The following SYNGR1 variants were observed in gnomAD, a reference collection of about 807,000 sequenced individuals.
SYNGR1 encodes the protein synaptogyrin 1, also known as synaptogyrin-1.
In SYNGR1, 14 loss-of-function variants were observed where a neutral mutation model predicts 26.1. The ratio of observed to expected loss-of-function variants is 0.54; its 90% CI spans 0.35 to 0.84. The LOEUF (loss-of-function observed/expected upper bound fraction) is 0.84, where lower values mean the gene tolerates loss of function less well. Ranked by LOEUF, SYNGR1 falls within the 40% of genes least tolerant of loss-of-function variation. SYNGR1 has a pLI of 0.01. For synonymous variants in SYNGR1, 141 were observed against 150.1 expected, an observed-to-expected ratio of 0.94 and a Z score of 0.44; for missense variants, 319 against 332.9, an observed-to-expected ratio of 0.96 and a Z score of 0.33.
At chr22:39,367,289 G>T (rs1924805785) in intron 1 of SYNGR1, among the ~76,000 whole-genome samples, 1 of 152,222 alleles carries the variant, frequency 6.6e-6, no homozygotes, top group Non-Finnish European at 1.5e-5. Context: ...AGGCCTCCCA[G>T]GCCCCAGGGC....
At chr22:39,375,857 C>T (rs1925255073) in intron 2 of SYNGR1, 195 bp from the exon 3 acceptor site, 1 of 746,866 alleles carries the variant, frequency 1.3e-6, no homozygotes, top group East Asian at 2.6e-5. Flanking sequence ...GCTGGCTTCC[C>T]TCTTCTCGCC....
chr22:39,355,525 T>A (rs1213947433), intron 1 of SYNGR1, among the ~76,000 whole-genome samples: 1 of 152,232 alleles, frequency 6.6e-6, no homozygotes, highest in Non-Finnish European at 1.5e-5. Context: ...GTGATAGATT[T>A]CTGCTGTGTT....
intron 2 of SYNGR1, 43 bp downstream of exon 2, chr22:39,374,596 A>T: frequency 6.3e-7 from 1 of 1,594,596 alleles, no homozygotes; most frequent in Non-Finnish European, 8.6e-7. Context: ...GAGTCTACAG[A>T]GGGCTGTCCC....
At chr22:39,357,261 T>C (rs760741) in intron 1 of SYNGR1, among the ~76,000 whole-genome samples, 27,257 of 151,356 alleles carry the variant, frequency 0.18, 5,100 homozygotes, top group African/African-American at 0.48. Context: ...CAAGACTCTG[T>C]TTCAAAAAAA....
At chr22:39,354,045 G>T (rs939998311) in intron 1 of SYNGR1, among the ~76,000 whole-genome samples, 1 of 151,906 alleles carries the variant, frequency 6.6e-6, no homozygotes, top group Non-Finnish European at 1.5e-5. Flanking sequence ...TAAATTTTTA[G>T]TAGAGACGGG....
rs377385134 is a variant in SYNGR1 at position 39,357,760 on chromosome 22, G to A, written c.99+7651G>A. Reference sequence around the variant, plus strand: ...GCGCCCGGGCCAGCGGCTGCGGAGGGTGTACTGGGTCCCTCAGCAGTGCAA... The same window carrying A: ...GCGCCCGGGCCAGCGGCTGCGGAGGATGTACTGGGTCCCTCAGCAGTGCAA... On this transcript the variant is annotated intron_variant, in intron 1 of 3. Transcript: ENST00000328933. Among the ~76,000 whole-genome samples the A allele has an allele frequency of 5.1e-4, 78 of 152,196 alleles. 1 individual carries two copies. The East Asian group carries it at 9.7e-3, about 19-fold the overall frequency.
chr22:39,374,839 C>T (rs1157524581), intron 2 of SYNGR1: 2 of 503,616 alleles, frequency 4.0e-6, no homozygotes, highest in East Asian at 3.6e-5. Flanking sequence ...ATGTGCCAGC[C>T]CCCATGGGTT....
In SYNGR1 at chr22:39,365,988, CTTTTTTTTTTT is replaced by C. The variant is rs777416803; in HGVS notation, c.100-8311_100-8301del. 2.5e-4 allele frequency among the ~76,000 whole-genome samples: 17 copies of C among 68,384 alleles called. 1 individual carries two copies. The highest frequency in any genetic ancestry group is 2.0e-3 in the East Asian group (2 of 1,016). 44.9% of individuals were successfully genotyped at this position (68,384 alleles called of 152,430 possible). A position where few individuals can be genotyped will look rare whatever the true frequency, so the allele number is the denominator to read the frequency against. On this transcript the variant is annotated intron_variant, in intron 1 of 3. Transcript: ENST00000328933. ...CGTGAGCCACCGCGCTCAGCCCCTT[CTTTTTTTTTTT>C]TTTTTTTTTTTTTTTTGAGACAGGG... is the stretch of plus-strand genomic sequence containing the variant.
chr22:39,360,850 G>A (rs186946101), intron 1 of SYNGR1, among the ~76,000 whole-genome samples: 163 of 152,328 alleles, frequency 1.1e-3, no homozygotes, highest in Middle Eastern at 3.4e-3. Context: ...ATGCTGAAAG[G>A]CCTGGCAGAG....
intron 3 of SYNGR1, chr22:39,379,501 G>C (rs1925424684): frequency 6.6e-6 from 1 of 152,208 alleles, no homozygotes; most frequent in Non-Finnish European, 1.5e-5. Context: ...TGGTGTGGTG[G>C]CGGGTACCTG....
rs764182738 is a variant in SYNGR1, at chr22:39,382,215, C to G, written c.*301C>G. ...GCGCCTACTGGGCATCCGGCCTGTG[C>G]TGGGCATGGGTGGTGACATTGGCAG... On this transcript the variant is annotated 3_prime_UTR_variant, in exon 4 of 4. Coordinates refer to ENST00000328933, the MANE Select transcript of SYNGR1 (RefSeq NM_004711.5). 3.9e-6 allele frequency: 2 copies of G among 514,330 alleles called. No individual in the cohort carries two copies. Among genetic ancestry groups the G allele is most frequent in the Non-Finnish European group, 7.1e-6 (2 of 282,198 alleles). The allele number at this position is 514,330 out of a possible 1,614,324, so 31.9% of individuals were successfully genotyped here. A position where few individuals can be genotyped will look rare whatever the true frequency, so the allele number is the denominator to read the frequency against.
At chr22:39,378,452 T>A in intron 3 of SYNGR1, 5 of 985,004 alleles carry the variant, frequency 5.1e-6, no homozygotes, top group Non-Finnish European at 4.8e-6. Context: ...TAAGAGTAAT[T>A]CTCATGTGAT....
intron 1 of SYNGR1, among the ~76,000 whole-genome samples, chr22:39,358,555 G>A (rs549613903): frequency 4.6e-5 from 7 of 151,528 alleles, no homozygotes; most frequent in South Asian, 2.1e-4. Context: ...CGGGAGGAAC[G>A]AACAACTCCA....
chr22:39,367,116 C>G (rs1030666465), intron 1 of SYNGR1, among the ~76,000 whole-genome samples: 1 of 152,244 alleles, frequency 6.6e-6, no homozygotes, highest in Admixed American at 6.5e-5. Flanking sequence ...TCCGCCTCCT[C>G]TTGCCCTGCT....
chr22:39,381,160 G>A (rs1463211540), intron 3 of SYNGR1, among the ~76,000 whole-genome samples: 2 of 152,132 alleles, frequency 1.3e-5, no homozygotes, highest in African/African-American at 4.8e-5. Flanking sequence ...GGTCTTTGTG[G>A]TCCCTTTTGG....
Position 39,385,282 on chromosome 22 carries a change from C to A in SYNGR1, c.*3368C>A. 1 of 325,538 alleles carries A rather than the reference C, an allele frequency of 3.1e-6. No individual in the cohort carries two copies. Among genetic ancestry groups the A allele is most frequent in the Non-Finnish European group, 5.5e-6 (1 of 180,470 alleles). The allele number at this position is 325,538 out of a possible 1,614,324, so 20.2% of individuals were successfully genotyped here. On this transcript the variant is annotated 3_prime_UTR_variant, in exon 4 of 4. Transcript: ENST00000328933. Reference sequence around the variant, plus strand: ...CGCACAGCCCTTGTCGGTGCCCCGGCCCCTCCCGCAGCGTTACTGCCTGTG... The same window carrying A: ...CGCACAGCCCTTGTCGGTGCCCCGGACCCTCCCGCAGCGTTACTGCCTGTG...
chr22:39,383,592 G>C lies in SYNGR1; in HGVS notation c.*1678G>C, dbSNP rs578104051. 60 of 152,612 alleles carry C rather than the reference G, an allele frequency of 3.9e-4. No individual in the cohort carries two copies. Among genetic ancestry groups the C allele is most frequent in the African/African-American group, 1.4e-3 (59 of 41,566 alleles). 9.5% of individuals were successfully genotyped at this position (152,612 alleles called of 1,614,324 possible). A position where few individuals can be genotyped will look rare whatever the true frequency, so the allele number is the denominator to read the frequency against. Reference sequence around the variant, plus strand: ...GCAGAGCAGAGCAGGTGGTGGACGGGCCCAGTGCTGGGTGTTTTCACCACC... The same window carrying C: ...GCAGAGCAGAGCAGGTGGTGGACGGCCCCAGTGCTGGGTGTTTTCACCACC... On this transcript the variant is annotated 3_prime_UTR_variant, in exon 4 of 4. Transcript: ENST00000328933.
intron 3 of SYNGR1, among the ~76,000 whole-genome samples, chr22:39,380,388 T>C (rs1601668815): frequency 1.3e-5 from 2 of 151,970 alleles, no homozygotes; most frequent in African/African-American, 4.8e-5. Flanking sequence ...GCTCCAGAGG[T>C]CTTCGGTGAC....
intron 1 of SYNGR1, among the ~76,000 whole-genome samples, chr22:39,361,934 C>T (rs1310710098): frequency 6.6e-6 from 1 of 151,728 alleles, no homozygotes; most frequent in Non-Finnish European, 1.5e-5. Flanking sequence ...GGATGGTGGT[C>T]CAGATACTTC....
Sources: allele counts gnomAD v4.1 joint callset (sites outside exome capture counted in the v4.1 genomes callset), GRCh38; gene constraint gnomAD v4.1.1; transcripts MANE v1.5; gene names NCBI Gene and HGNC (gene_info 2026-07-23, HGNC 2026-07-21).